Variants in ADGRL2 observed in about 807,000 individuals in gnomAD.
ADGRL2 encodes calcium-independent alpha-latrotoxin receptor 2.
ADGRL2 carries 44 observed loss-of-function variants against 157.4 expected under a neutral mutation model. That is an observed-to-expected ratio of 0.28 (90% confidence interval 0.22 to 0.36). The LOEUF (loss-of-function observed/expected upper bound fraction) is 0.36. Among genes scored for constraint, ADGRL2 ranks in the 10% least tolerant of loss-of-function variants. The pLI is 1.00. For synonymous variants in ADGRL2, 585 were observed against 624.7 expected (o/e 0.94, Z 0.95); for missense variants, 1,510 against 1,768.9 (o/e 0.85, Z 2.63).
chr1:81,927,959 A>T (rs2095146282), intron 3 of ADGRL2, among the ~76,000 whole-genome samples: 1 of 152,050 alleles, frequency 6.6e-6, no homozygotes, highest in East Asian at 1.9e-4. Flanking sequence ...TTGATTTAAC[A>T]TTCAACTCCA....
chr1:81,554,404 C>G (rs917935672), intron 2 of ADGRL2, among the ~76,000 whole-genome samples: 2 of 152,146 alleles, frequency 1.3e-5, no homozygotes, highest in Non-Finnish European at 2.9e-5. Context: ...TGAGCTCTTG[C>G]TGCTGGGTTC....
intron 3 of ADGRL2, among the ~76,000 whole-genome samples, chr1:81,599,984 A>G (rs909127494): frequency 6.7e-6 from 1 of 149,846 alleles, no homozygotes; most frequent in Non-Finnish European, 1.5e-5. Context: ...TTTCGTTCCT[A>G]AGAAGTATGT....
chr1:81,685,130 T>C (rs1366781113), intron 3 of ADGRL2, among the ~76,000 whole-genome samples: 1 of 152,166 alleles, frequency 6.6e-6, no homozygotes, highest in Non-Finnish European at 1.5e-5. Context: ...TCTTTTTTGG[T>C]TCCATATGAA....
chr1:81,854,180 T>G (rs182255855), intron 2 of ADGRL2, among the ~76,000 whole-genome samples: 2 of 152,286 alleles, frequency 1.3e-5, no homozygotes, highest in Admixed American at 1.3e-4. Context: ...TGAAAATGTT[T>G]TATAGTTTTC....
rs1386101630 is a variant in ADGRL2, at chr1:81,970,497, G to A, written c.2917G>A (p.Ala973Thr). 23 of 1,586,476 alleles carry A rather than the reference G, an allele frequency of 1.4e-5. No individual in the cohort carries two copies. The highest frequency in any genetic ancestry group is 2.0e-5 in the Non-Finnish European group (23 of 1,171,658). Residue 973 changes from alanine (A) to threonine (T), a missense_variant, in exon 16 of 24, where the codon GCT becomes ACT. Around this residue, in one of 4 missense-constraint regions of ADGRL2, gnomAD observed 497 missense variants for 627.2 expected, o/e 0.79. Transcript: ENST00000686636. ...TCCTGCCACAGTGGTTGGAGTTTCA[G>A]CTGCTATTGACTATAAGAGCTATGG... ...LFPATVVGVS[A>T]AIDYKSYGTE...
At position 81,398,031 on chromosome 1, in the gene ADGRL2, C is replaced by G. The variant is rs138725393; in HGVS notation, c.-301-47005C>G. On this transcript the variant is annotated intron_variant, in intron 1 of 24. Coordinates refer to the ADGRL2 transcript ENST00000370721. ...GCATATATTTTTGTAATTGTTATATCCTCTTGCTGAATGGATCCCTTTATA... is the reference window on the plus strand; with the variant it reads ...GCATATATTTTTGTAATTGTTATATGCTCTTGCTGAATGGATCCCTTTATA... Among the ~76,000 whole-genome samples the G allele has an allele frequency of 3.8e-3, 582 of 152,110 alleles. 4 individuals are homozygous for G. The highest frequency in any genetic ancestry group is 0.013 in the African/African-American group (556 of 41,510).
intron 2 of ADGRL2, among the ~76,000 whole-genome samples, chr1:81,560,138 G>A (rs7522408): frequency 2.0e-5 from 3 of 152,256 alleles, no homozygotes; most frequent in Admixed American, 6.5e-5. Context: ...ACAGTAGGAT[G>A]TTAATAAATG....
intron 2 of ADGRL2, among the ~76,000 whole-genome samples, chr1:81,497,726 A>G (rs1198447783): frequency 2.0e-5 from 3 of 152,208 alleles, no homozygotes; most frequent in Non-Finnish European, 4.4e-5. Flanking sequence ...TAAGAAATGA[A>G]ATGATGCGAA....
chr1:81,990,536 T>C lies in ADGRL2; in HGVS notation c.3801T>C (p.Thr1267=), dbSNP rs1165425563. 1.2e-6 allele frequency: 2 copies of C among 1,614,000 alleles called. No homozygotes were observed. The highest frequency in any genetic ancestry group is 2.7e-5 in the African/African-American group (2 of 74,892). The change falls in exon 24 of 24, where the codon ACT becomes ACC. Residue 1267 remains threonine (T), a synonymous_variant. Coordinates refer to ENST00000686636, the MANE Select transcript of ADGRL2 (RefSeq NM_001366006.2). ...ACTGTGGACTAAGTCTGAATGATAC[T>C]GCTTTTGAGAAAATGATCATTTCAG... ...VVDCGLSLND[T]AFEKMIISEL...
chr1:81,386,948 T>G (rs996766054), intron 1 of ADGRL2, among the ~76,000 whole-genome samples: 1 of 152,192 alleles, frequency 6.6e-6, no homozygotes, highest in East Asian at 1.9e-4. Flanking sequence ...GTATCCACTT[T>G]ACATTGTATG....
chr1:81,877,344 G>A (rs888941400), intron 2 of ADGRL2, among the ~76,000 whole-genome samples: 7 of 151,972 alleles, frequency 4.6e-5, no homozygotes, highest in Non-Finnish European at 2.9e-5. Flanking sequence ...TACCCTTTCT[G>A]TGCTTTGTTT....
chr1:81,926,348 A>G (rs1031862202), intron 3 of ADGRL2, among the ~76,000 whole-genome samples: 1 of 152,042 alleles, frequency 6.6e-6, no homozygotes, highest in African/African-American at 2.4e-5. Context: ...GTAACTTTGC[A>G]GATAATTGGC....
intron 2 of ADGRL2, among the ~76,000 whole-genome samples, chr1:81,519,791 C>T (rs778791240): frequency 2.6e-5 from 4 of 152,144 alleles, no homozygotes; most frequent in Non-Finnish European, 5.9e-5. Flanking sequence ...TTCAACCTTT[C>T]TTGCTTCTTT....
chr1:81,692,965 T>A (rs1241618873), intron 3 of ADGRL2, among the ~76,000 whole-genome samples: 1 of 152,198 alleles, frequency 6.6e-6, no homozygotes, highest in South Asian at 2.1e-4. Context: ...CTTTACTAGC[T>A]TGGTCATTTT....
chr1:81,807,359 C>T (rs146019613), intron 1 of ADGRL2, among the ~76,000 whole-genome samples: 3 of 152,048 alleles, frequency 2.0e-5, no homozygotes, highest in Admixed American at 6.5e-5. Flanking sequence ...TCTATAGCCC[C>T]ACCCAAATAT....
At chr1:81,385,964 GAT>G (rs1384652194) in intron 1 of ADGRL2, among the ~76,000 whole-genome samples, 1 of 151,950 alleles carries the variant, frequency 6.6e-6, no homozygotes, top group East Asian at 1.9e-4. Context: ...CACATAGCTC[GAT>G]ATGTCTCTAT....
chr1:81,706,006 C>T (rs527388406), intron 1 of ADGRL2, among the ~76,000 whole-genome samples: 2 of 152,098 alleles, frequency 1.3e-5, no homozygotes, highest in African/African-American at 2.4e-5. Context: ...GTCAGGAGAT[C>T]GAGACCATCC....
chr1:81,627,597 A>T (rs1408070085), intron 3 of ADGRL2, among the ~76,000 whole-genome samples: 1 of 152,206 alleles, frequency 6.6e-6, no homozygotes, highest in East Asian at 1.9e-4. Context: ...GCTATGAAGA[A>T]GCTGAGGCTC....
intron 2 of ADGRL2, among the ~76,000 whole-genome samples, chr1:81,791,043 G>A (rs1423801078): frequency 7.4e-6 from 1 of 134,686 alleles, no homozygotes; most frequent in Non-Finnish European, 1.6e-5. Context: ...TTCCAGCCTG[G>A]GTGATGCAGC....
Sources: gnomAD v4.1 joint callset for allele counts (sites outside exome capture counted in the v4.1 genomes callset) on GRCh38, gnomAD v4.1.1 for gene constraint, gnomAD v4.1.1 regional missense constraint, MANE v1.5 for transcripts, NCBI Gene and HGNC (gene_info 2026-07-23, HGNC 2026-07-21) for gene names.